The following AGBL4 variants were observed in gnomAD, a reference collection of about 807,000 sequenced individuals.
AGBL4 encodes AGBL carboxypeptidase 4, also known as cytosolic carboxypeptidase 6.
A neutral mutation model predicts 66.4 loss-of-function variants in AGBL4; 58 were observed. The observed-to-expected ratio is 0.87, with a 90% CI of 0.71 to 1.09. AGBL4 has a LOEUF of 1.09. Ranked by LOEUF, AGBL4 falls within the 50% of genes least tolerant of loss-of-function variation. AGBL4 has a pLI of 0.00. For missense variants in AGBL4, 579 were observed against 631.0 expected (o/e 0.92, Z 0.88); for synonymous variants, 234 against 222.9 (o/e 1.05, Z -0.44).
At chr1:49,668,319 T>C (rs980349914) in intron 3 of AGBL4, among the ~76,000 whole-genome samples, 1 of 152,174 alleles carries the variant, frequency 6.6e-6, no homozygotes, top group Non-Finnish European at 1.5e-5. Flanking sequence ...ATAATGTTAA[T>C]TCACACAGGC....
intron 2 of AGBL4, among the ~76,000 whole-genome samples, chr1:49,714,569 C>CAT (rs60965691): frequency 0.023 from 3,309 of 141,792 alleles, 41 homozygotes; most frequent in East Asian, 0.046. Flanking sequence ...GTAGTATTTA[C>CAT]ATATATATAT....
intron 4 of AGBL4, among the ~76,000 whole-genome samples, chr1:49,123,549 A>G (rs773673082): frequency 6.6e-6 from 1 of 152,226 alleles, no homozygotes; most frequent in Non-Finnish European, 1.5e-5. Context: ...GCTTTTATCA[A>G]TATGGCAGAT....
intron 5 of AGBL4, among the ~76,000 whole-genome samples, chr1:48,962,204 C>G (rs1028076365): frequency 1.3e-5 from 2 of 152,132 alleles, no homozygotes; most frequent in Admixed American, 6.5e-5. Context: ...AAATCACAAC[C>G]CAGATACTTA....
At chr1:48,962,757 G>A (rs1399953335) in intron 5 of AGBL4, among the ~76,000 whole-genome samples, 2 of 152,246 alleles carry the variant, frequency 1.3e-5, no homozygotes, top group East Asian at 1.9e-4. Flanking sequence ...AGTAACTTAT[G>A]AGTAAGCCAT....
intron 3 of AGBL4, among the ~76,000 whole-genome samples, chr1:49,362,185 C>G (rs1229947802): frequency 6.6e-6 from 1 of 152,036 alleles, no homozygotes; most frequent in Non-Finnish European, 1.5e-5. Context: ...AGGAAGTGCT[C>G]ATATAGCAAC....
At chr1:49,734,669 T>C (rs533734717) in intron 2 of AGBL4, among the ~76,000 whole-genome samples, 2 of 152,076 alleles carry the variant, frequency 1.3e-5, no homozygotes, top group Non-Finnish European at 2.9e-5. Context: ...AGAACCAGTA[T>C]AGTCTCAATA....
intron 3 of AGBL4, among the ~76,000 whole-genome samples, chr1:49,458,075 C>T (rs537564331): frequency 1.1e-4 from 16 of 151,410 alleles, no homozygotes; most frequent in Middle Eastern, 3.2e-3. Flanking sequence ...ATTGTTTTTA[C>T]GGGTTCTGTG....
chr1:49,646,647 CA>C (rs1470325000), intron 3 of AGBL4, among the ~76,000 whole-genome samples: 2 of 151,884 alleles, frequency 1.3e-5, no homozygotes, highest in Non-Finnish European at 2.9e-5. Flanking sequence ...AATAATATCT[CA>C]ACAAGGTTTT....
intron 1 of AGBL4, among the ~76,000 whole-genome samples, chr1:49,893,824 G>T (rs767256451): frequency 3.7e-4 from 57 of 152,320 alleles, no homozygotes; most frequent in Non-Finnish European, 7.1e-4. Flanking sequence ...AACACAAGCT[G>T]GGCTGGTTTC....
intron 3 of AGBL4, among the ~76,000 whole-genome samples, chr1:49,525,482 G>A (rs1041466021): frequency 3.9e-5 from 6 of 151,930 alleles, no homozygotes; most frequent in African/African-American, 1.4e-4. Context: ...GAGCCTGAGA[G>A]AATCTTTTCT....
chr1:49,690,569 G>C (rs1264193475), intron 3 of AGBL4, among the ~76,000 whole-genome samples: 1 of 152,088 alleles, frequency 6.6e-6, no homozygotes. Context: ...CAAAATGGGG[G>C]TTAGGATACT....
At chr1:49,952,034 TAA>T (rs1656202125) in intron 1 of AGBL4, among the ~76,000 whole-genome samples, 1 of 151,836 alleles carries the variant, frequency 6.6e-6, no homozygotes, top group African/African-American at 2.4e-5. Context: ...GTTTAATGGG[TAA>T]AGAGTTTCTG....
chr1:49,702,328 TAA>T (rs1647112302), intron 2 of AGBL4, among the ~76,000 whole-genome samples: 1 of 151,886 alleles, frequency 6.6e-6, no homozygotes, highest in Non-Finnish European at 1.5e-5. Context: ...TCGTCTCTAC[TAA>T]AAATACAAAA....
chr1:49,453,184 T>C (rs147017970), intron 3 of AGBL4, among the ~76,000 whole-genome samples: 4 of 152,038 alleles, frequency 2.6e-5, no homozygotes, highest in African/African-American at 9.6e-5. Flanking sequence ...AAAGGGGTAT[T>C]AACCATACAA....
At chr1:49,689,466 T>C (rs939450209) in intron 3 of AGBL4, among the ~76,000 whole-genome samples, 8 of 152,228 alleles carry the variant, frequency 5.3e-5, no homozygotes, top group Admixed American at 1.3e-4. Context: ...GCTGCTTTGG[T>C]TACTATAGCT....
At chr1:49,763,793 A>G (rs1652520187) in intron 2 of AGBL4, among the ~76,000 whole-genome samples, 1 of 152,154 alleles carries the variant, frequency 6.6e-6, no homozygotes, top group Non-Finnish European at 1.5e-5. Flanking sequence ...CCGTCAGGCC[A>G]TGGATACCTG....
chr1:49,656,481 A>C (rs1319201048), intron 3 of AGBL4, among the ~76,000 whole-genome samples: 1 of 152,214 alleles, frequency 6.6e-6, no homozygotes, highest in African/African-American at 2.4e-5. Flanking sequence ...ATAGAAAAAG[A>C]GGGAATACTC....
chr1:49,235,474 G>A (rs1650652839), intron 4 of AGBL4, among the ~76,000 whole-genome samples: 1 of 152,174 alleles, frequency 6.6e-6, no homozygotes, highest in Non-Finnish European at 1.5e-5. Context: ...CAGAAGCAGT[G>A]TGAATGCATT....
chr1:49,565,932 G>A (rs1173711645), intron 3 of AGBL4, among the ~76,000 whole-genome samples: 1 of 152,118 alleles, frequency 6.6e-6, no homozygotes, highest in African/African-American at 2.4e-5. Context: ...TCACTTTCAG[G>A]TACACCAATT....
Sources: allele counts gnomAD v4.1 joint callset (sites outside exome capture counted in the v4.1 genomes callset), GRCh38; gene constraint gnomAD v4.1.1; transcripts MANE v1.5; gene names NCBI Gene and HGNC (gene_info 2026-07-23, HGNC 2026-07-21).